SMAP1: variants seen among roughly 807,000 people sequenced by gnomAD.
SMAP1 encodes the protein small ArfGAP 1.
In SMAP1, 24 loss-of-function variants were observed where a neutral mutation model predicts 58.5. The observed-to-expected ratio is 0.41, with a 90% CI of 0.30 to 0.58. The LOEUF is 0.58. Among genes scored for constraint, SMAP1 ranks in the 20% least tolerant of loss-of-function variants. SMAP1 has a pLI of 0.29. For missense variants in SMAP1, 563 were observed against 566.3 expected (o/e 0.99, Z 0.06); for synonymous variants, 216 against 196.6 (o/e 1.10, Z -0.82).
chr6:70,695,313 A>G (rs1346319201), intron 1 of SMAP1, among the ~76,000 whole-genome samples: 2 of 152,126 alleles, frequency 1.3e-5, no homozygotes, highest in African/African-American at 4.8e-5. Flanking sequence ...TTGTTTGACT[A>G]TTATGCTGAA....
intron 4 of SMAP1, among the ~76,000 whole-genome samples, chr6:70,784,292 C>G (rs2149929909): frequency 6.6e-6 from 1 of 151,998 alleles, no homozygotes; most frequent in African/African-American, 2.4e-5. Flanking sequence ...TAAGAGAGCT[C>G]CTGAAGGAAG....
chr6:70,700,851 G>A (rs1767598569), intron 1 of SMAP1, among the ~76,000 whole-genome samples: 1 of 152,166 alleles, frequency 6.6e-6, no homozygotes, highest in African/African-American at 2.4e-5. Context: ...AGCAGGTAAT[G>A]GATCCTGCCA....
chr6:70,683,050 C>T (rs1022916317), intron 1 of SMAP1, among the ~76,000 whole-genome samples: 1 of 151,810 alleles, frequency 6.6e-6, no homozygotes, highest in Non-Finnish European at 1.5e-5. Context: ...AAAAGAGTGG[C>T]TGACTTACTG....
intron 1 of SMAP1, among the ~76,000 whole-genome samples, chr6:70,704,035 G>A (rs554203010): frequency 5.3e-5 from 8 of 152,268 alleles, no homozygotes; most frequent in South Asian, 2.1e-4. Flanking sequence ...AAATTTCAGC[G>A]TCTGTTCCTT....
chr6:70,781,735 A>G (rs1767770765), intron 4 of SMAP1, among the ~76,000 whole-genome samples: 1 of 152,372 alleles, frequency 6.6e-6, no homozygotes, highest in African/African-American at 2.4e-5. Context: ...AGAAAATTTT[A>G]AACATTATGC....
At chr6:70,848,305 G>A (rs1318867624) in intron 7 of SMAP1, among the ~76,000 whole-genome samples, 2 of 152,198 alleles carry the variant, frequency 1.3e-5, no homozygotes, top group African/African-American at 4.8e-5. Flanking sequence ...GTACAGGATA[G>A]TGGAGTGGGG....
Position 70,806,389 on chromosome 6 carries a change from C to A in SMAP1, c.576+7652C>A, listed in dbSNP as rs185927138. On this transcript the variant is annotated intron_variant, in intron 6 of 10. Coordinates refer to ENST00000370455, the MANE Select transcript of SMAP1 (RefSeq NM_001044305.3). ...AAATACAGTATTTAGGCAGGAGTGT[C>A]CCGTTTTTCCAGGTAGTCTGTCACA... Among the ~76,000 whole-genome samples, 16 of 152,310 alleles carry A rather than the reference C, an allele frequency of 1.1e-4. No homozygotes were observed. In the East Asian group the frequency reaches 3.1e-3, roughly 29 times the overall value.
chr6:70,668,527 G>GCT, intron 1 of SMAP1: 1 of 1,519,260 alleles, frequency 6.6e-7, no homozygotes, highest in Non-Finnish European at 8.8e-7. Context: ...TCTGCTCATA[G>GCT]CTATCTCTGT....
At chr6:70,711,904 C>G (rs1768072981) in intron 1 of SMAP1, among the ~76,000 whole-genome samples, 1 of 152,100 alleles carries the variant, frequency 6.6e-6, no homozygotes, top group Non-Finnish European at 1.5e-5. Context: ...CTTTTCCTTT[C>G]TGATTTGGAT....
intron 1 of SMAP1, among the ~76,000 whole-genome samples, chr6:70,725,077 T>TC (rs1768707105): frequency 7.1e-6 from 1 of 141,284 alleles, no homozygotes; most frequent in African/African-American, 2.6e-5. Context: ...AGACTCCATA[T>TC]CCTAAATTAA....
At chr6:70,701,845 CTTGTGTGGATAA>C (rs1318764694) in intron 1 of SMAP1, among the ~76,000 whole-genome samples, 1 of 152,132 alleles carries the variant, frequency 6.6e-6, no homozygotes, top group Non-Finnish European at 1.5e-5. Context: ...AAGGTGATTT[CTTGTGTGGATAA>C]TTGTTCAATT....
chr6:70,786,297 G>A (rs550931748), intron 4 of SMAP1, among the ~76,000 whole-genome samples: 45 of 145,532 alleles, frequency 3.1e-4, no homozygotes, highest in African/African-American at 1.1e-3. Flanking sequence ...TTGGTGGGAC[G>A]TATCTCAAAA....
chr6:70,857,264 A>G, intron 9 of SMAP1: 1 of 341,852 alleles, frequency 2.9e-6, no homozygotes, highest in Non-Finnish European at 5.3e-6. Flanking sequence ...TAGATCACTA[A>G]ATGTTGTTTC....
chr6:70,683,725 T>C (rs1427022512), intron 1 of SMAP1, among the ~76,000 whole-genome samples: 1 of 152,232 alleles, frequency 6.6e-6, no homozygotes, highest in Non-Finnish European at 1.5e-5. Context: ...TTCAGATCTA[T>C]ATCTATATAT....
At chr6:70,813,435 A>C (rs916862527) in intron 6 of SMAP1, among the ~76,000 whole-genome samples, 6 of 152,178 alleles carry the variant, frequency 3.9e-5, no homozygotes, top group African/African-American at 1.4e-4. Flanking sequence ...TAAATGAATA[A>C]ATATAATTCT....
At chr6:70,774,272 G>A (rs1767456568) in intron 4 of SMAP1, among the ~76,000 whole-genome samples, 1 of 152,078 alleles carries the variant, frequency 6.6e-6, no homozygotes, top group Non-Finnish European at 1.5e-5. Context: ...TTTATCAGCT[G>A]TTTCTTTTTA....
intron 6 of SMAP1, among the ~76,000 whole-genome samples, chr6:70,823,038 C>G (rs1294054996): frequency 2.0e-5 from 3 of 152,078 alleles, no homozygotes; most frequent in Non-Finnish European, 4.4e-5. Flanking sequence ...TGCATATTGT[C>G]TACTTTTTCC....
At chr6:70,801,275 G>A (rs1490867467) in intron 6 of SMAP1, among the ~76,000 whole-genome samples, 3 of 152,110 alleles carry the variant, frequency 2.0e-5, no homozygotes, top group Non-Finnish European at 4.4e-5. Flanking sequence ...ACCAGTGATG[G>A]TGAGCATTTT....
chr6:70,744,278 A>G (rs1354192148), intron 2 of SMAP1, among the ~76,000 whole-genome samples: 1 of 151,738 alleles, frequency 6.6e-6, no homozygotes, highest in African/African-American at 2.4e-5. Context: ...CAACCCATCA[A>G]CTCGTAATTT....
Sources: allele counts gnomAD v4.1 joint callset (sites outside exome capture counted in the v4.1 genomes callset), GRCh38; gene constraint gnomAD v4.1.1; transcripts MANE v1.5; gene names NCBI Gene and HGNC (gene_info 2026-07-23, HGNC 2026-07-21).